STPG2: variants seen among roughly 807,000 people sequenced by gnomAD.
STPG2 encodes sperm-tail PG-rich repeat-containing protein 2.
STPG2 carries 56 observed loss-of-function variants against 54.2 expected under a neutral mutation model. That is an observed-to-expected ratio of 1.03 (90% confidence interval 0.83 to 1.29). The LOEUF (loss-of-function observed/expected upper bound fraction) is 1.29, where lower values mean the gene tolerates loss of function less well. STPG2 is among the 50% of genes most tolerant of loss of function. The pLI, the probability that STPG2 is intolerant of heterozygous loss-of-function variation, is 0.00. For missense variants in STPG2, 596 were observed against 544.9 expected (o/e 1.09, Z -0.93); for synonymous variants, 200 against 181.8 (o/e 1.10, Z -0.81).
intron 4 of STPG2, among the ~76,000 whole-genome samples, chr4:97,461,783 C>A (rs977325460): frequency 3.3e-5 from 5 of 152,058 alleles, no homozygotes; most frequent in Non-Finnish European, 5.9e-5. Flanking sequence ...CTGTTCAAGT[C>A]TTTGTCCATT....
chr4:97,802,701 C>A (rs1468231002), intron 9 of STPG2, among the ~76,000 whole-genome samples: 3 of 152,024 alleles, frequency 2.0e-5, no homozygotes, highest in Non-Finnish European at 2.9e-5. Context: ...AAACTCCTGA[C>A]CTCAGTTTAT....
At chr4:97,762,108 G>A (rs998380317) in intron 9 of STPG2, among the ~76,000 whole-genome samples, 4 of 152,094 alleles carry the variant, frequency 2.6e-5, no homozygotes, top group African/African-American at 4.8e-5. Flanking sequence ...TTTTAAAGTC[G>A]TCTCTAAATT....
chr4:97,914,818 G>A (rs1375560554), intron 8 of STPG2, among the ~76,000 whole-genome samples: 1 of 152,140 alleles, frequency 6.6e-6, no homozygotes, highest in Non-Finnish European at 1.5e-5. Context: ...TCAGATTTTG[G>A]AGCGTTTCCC....
At chr4:97,513,875 A>G (rs1305777454) in intron 4 of STPG2, among the ~76,000 whole-genome samples, 7 of 152,128 alleles carry the variant, frequency 4.6e-5, no homozygotes, top group African/African-American at 1.7e-4. Context: ...TATCTAGCCA[A>G]TGTCACAAAT....
chr4:98,035,626 AC>A (rs1353489316), intron 5 of STPG2, among the ~76,000 whole-genome samples: 1 of 152,182 alleles, frequency 6.6e-6, no homozygotes, highest in African/African-American at 2.4e-5. Context: ...AAATCATTCT[AC>A]TATAAAGACA....
intron 7 of STPG2, among the ~76,000 whole-genome samples, chr4:97,947,984 A>C (rs114758004): frequency 3.5e-3 from 532 of 152,200 alleles, no homozygotes; most frequent in Non-Finnish European, 5.8e-3. Context: ...TAGGATTGGT[A>C]CCAATTCTTT....
intron 5 of STPG2, among the ~76,000 whole-genome samples, chr4:98,019,637 TCCAA>T (rs1002554408): frequency 2.0e-5 from 3 of 150,522 alleles, no homozygotes; most frequent in African/African-American, 7.4e-5. Flanking sequence ...TATTGATTCT[TCCAA>T]CCAATGAGCA....
chr4:97,495,011 T>TA (rs1470730723), intron 4 of STPG2, among the ~76,000 whole-genome samples: 1 of 151,540 alleles, frequency 6.6e-6, no homozygotes, highest in African/African-American at 2.4e-5. Context: ...CTGATATAGC[T>TA]AAAAAATGAC....
chr4:98,005,555 A>G (rs896300714), intron 5 of STPG2, among the ~76,000 whole-genome samples: 3 of 152,216 alleles, frequency 2.0e-5, no homozygotes, highest in African/African-American at 7.2e-5. Flanking sequence ...ATGTTGAAGT[A>G]CATTCCTTCT....
chr4:97,513,309 T>A (rs1325922682), intron 4 of STPG2, among the ~76,000 whole-genome samples: 2 of 152,124 alleles, frequency 1.3e-5, no homozygotes, highest in African/African-American at 4.8e-5. Flanking sequence ...GAATCCCCTC[T>A]AAATCCTGTC....
At chr4:98,006,354 T>C (rs183576930) in intron 5 of STPG2, among the ~76,000 whole-genome samples, 200 of 152,268 alleles carry the variant, frequency 1.3e-3, no homozygotes, top group Non-Finnish European at 2.2e-3. Context: ...TCTCTCCCAA[T>C]ACCTAAAGCT....
intron 8 of STPG2, among the ~76,000 whole-genome samples, chr4:97,843,844 CA>C (rs1728869469): frequency 6.6e-6 from 1 of 151,810 alleles, no homozygotes. Flanking sequence ...GCTCAATACC[CA>C]TGCAATAACT....
At chr4:97,713,101 T>C (rs1324999599) in intron 9 of STPG2, among the ~76,000 whole-genome samples, 2 of 152,200 alleles carry the variant, frequency 1.3e-5, no homozygotes, top group Non-Finnish European at 2.9e-5. Context: ...ATGAAGATGC[T>C]TAACTCTTAT....
chr4:97,823,708 G>A (rs1297279901), intron 9 of STPG2, among the ~76,000 whole-genome samples: 1 of 152,170 alleles, frequency 6.6e-6, no homozygotes, highest in East Asian at 1.9e-4. Context: ...TGATACTGAA[G>A]AGACACCCGA....
chr4:97,447,798 A>G (rs1048251779), intron 4 of STPG2, among the ~76,000 whole-genome samples: 5 of 152,188 alleles, frequency 3.3e-5, no homozygotes, highest in Non-Finnish European at 7.4e-5. Context: ...GCAGTGTGGA[A>G]GGGAAATGTA....
rs554372379 is a variant in STPG2, at chr4:97,737,195, C to T, written c.1205-24381G>A. Among the ~76,000 whole-genome samples, 24 of 152,260 alleles carry T rather than the reference C, an allele frequency of 1.6e-4. No homozygotes were observed. The South Asian group carries it at 2.9e-3, about 18-fold the overall frequency. On this transcript the variant is annotated intron_variant, in intron 9 of 10. Coordinates refer to ENST00000295268, the MANE Select transcript of STPG2 (RefSeq NM_174952.3). The stretch of plus-strand genomic sequence containing the variant: ...CTAATGAACAGAAAGGACATCCACA[C>T]CAAAACCCCATCTGTATGTCACCAT...
intron 7 of STPG2, among the ~76,000 whole-genome samples, chr4:97,967,312 T>C (rs949793695): frequency 1.3e-4 from 20 of 151,686 alleles, no homozygotes; most frequent in African/African-American, 4.8e-4. Context: ...CAAAAAGAGC[T>C]AACTACCCTA....
chr4:98,059,080 AAGAT>A lies in STPG2; in HGVS notation c.612+46869_612+46872del, dbSNP rs201550167. 3.2e-3 allele frequency among the ~76,000 whole-genome samples: 491 copies of A among 152,156 alleles called. 6 individuals carry two copies. The highest frequency in any genetic ancestry group is 0.032 in the East Asian group (164 of 5,178). ...GCTTGTTTTTTTTGAAAAAATTAGT[AAGAT>A]AGATAGGCCGCTAGCTAGACTAATA... On this transcript the variant is annotated intron_variant, in intron 5 of 10. Transcript: ENST00000295268.
intron 5 of STPG2, among the ~76,000 whole-genome samples, chr4:98,075,462 C>T (rs1738136007): frequency 6.6e-6 from 1 of 152,128 alleles, no homozygotes; most frequent in Non-Finnish European, 1.5e-5. Flanking sequence ...TGTCCAATGC[C>T]ACTTACAAAT....
Sources: gnomAD v4.1 joint callset for allele counts (sites outside exome capture counted in the v4.1 genomes callset) on GRCh38, gnomAD v4.1.1 for gene constraint, MANE v1.5 for transcripts, NCBI Gene and HGNC (gene_info 2026-07-23, HGNC 2026-07-21) for gene names.